The following PCSK5 variants were observed in gnomAD, a reference collection of about 807,000 sequenced individuals.
PCSK5 encodes the protein prohormone convertase 5.
A neutral mutation model predicts 233.2 loss-of-function variants in PCSK5; 129 were observed. The ratio of observed to expected loss-of-function variants is 0.55; its 90% CI spans 0.48 to 0.64. The LOEUF is 0.64. Among genes scored for constraint, PCSK5 ranks in the 30% least tolerant of loss-of-function variants. The probability of loss-of-function intolerance (pLI) is 0.00; values close to 1 mark genes in which losing one functional copy is unlikely to be tolerated. For synonymous variants in PCSK5, 825 were observed against 879.2 expected, an observed-to-expected ratio of 0.94 and a Z score of 1.09; for missense variants, 2,076 against 2,430.1, an observed-to-expected ratio of 0.85 and a Z score of 3.06.
intron 24 of PCSK5, among the ~76,000 whole-genome samples, chr9:76,253,499 A>C (rs1250970524): frequency 6.6e-6 from 1 of 152,194 alleles, no homozygotes; most frequent in African/African-American, 2.4e-5. Flanking sequence ...AGAGAACACA[A>C]AGTTGGAAGA....
intron 3 of PCSK5, among the ~76,000 whole-genome samples, chr9:76,006,128 T>C (rs991304497): frequency 2.0e-5 from 3 of 152,096 alleles, no homozygotes; most frequent in African/African-American, 7.2e-5. Context: ...GTGTTTTATC[T>C]GATATCAGAA....
intron 1 of PCSK5, among the ~76,000 whole-genome samples, chr9:75,899,809 A>G (rs73464430): frequency 0.011 from 1,612 of 152,312 alleles, 18 homozygotes; most frequent in East Asian, 0.027. Flanking sequence ...ACTGAGAAGA[A>G]AAGGCAGAGA....
At chr9:75,941,578 C>A (rs1824306972) in intron 2 of PCSK5, among the ~76,000 whole-genome samples, 1 of 152,088 alleles carries the variant, frequency 6.6e-6, no homozygotes, top group Non-Finnish European at 1.5e-5. Context: ...TTCTGGCTAC[C>A]TTTTTTGCCA....
At chr9:76,143,419 A>T (rs1355819041) in intron 10 of PCSK5, among the ~76,000 whole-genome samples, 1 of 152,204 alleles carries the variant, frequency 6.6e-6, no homozygotes, top group Admixed American at 6.5e-5. Flanking sequence ...GAGCTAGATG[A>T]TAGTAATGAC....
At chr9:75,964,457 C>T (rs917172137) in intron 2 of PCSK5, among the ~76,000 whole-genome samples, 1 of 152,048 alleles carries the variant, frequency 6.6e-6, no homozygotes, top group African/African-American at 2.4e-5. Flanking sequence ...TTAACCACAC[C>T]TTGAGATAAA....
At chr9:76,216,713 C>G (rs1825547461) in intron 20 of PCSK5, among the ~76,000 whole-genome samples, 1 of 152,196 alleles carries the variant, frequency 6.6e-6, no homozygotes, top group Non-Finnish European at 1.5e-5. Flanking sequence ...CAAATAGAAC[C>G]ATGCCTGGTT....
intron 9 of PCSK5, among the ~76,000 whole-genome samples, chr9:76,129,912 C>T (rs1322826941): frequency 6.6e-6 from 1 of 152,024 alleles, no homozygotes; most frequent in East Asian, 1.9e-4. Flanking sequence ...GCTGTTTTTG[C>T]AGCTGAAAAC....
chr9:76,007,796 TTGTGTG>T lies in PCSK5; in HGVS notation c.412-15902_412-15897del, dbSNP rs59860078. On this transcript the variant is annotated intron_variant, in intron 3 of 37. Transcript: ENST00000674117. ...CGCCTGTCACCATGCCCGGCTAATT[TTGTGTG>T]TGTGTGTGTGTGTGTGTGTGTGTGT... 8.7e-3 allele frequency among the ~76,000 whole-genome samples: 1,111 copies of T among 128,300 alleles called. 12 individuals are homozygous for T. Among genetic ancestry groups the T allele is most frequent in the African/African-American group, 0.019 (632 of 33,744 alleles). 84.2% of individuals were successfully genotyped at this position (128,300 alleles called of 152,430 possible).
At chr9:75,895,815 G>A (rs1245701320) in intron 1 of PCSK5, among the ~76,000 whole-genome samples, 1 of 152,222 alleles carries the variant, frequency 6.6e-6, no homozygotes, top group African/African-American at 2.4e-5. Flanking sequence ...CATTCGCAGG[G>A]AGAACTTTGT....
At chr9:76,016,192 T>G (rs979680708) in intron 3 of PCSK5, among the ~76,000 whole-genome samples, 1 of 152,174 alleles carries the variant, frequency 6.6e-6, no homozygotes, top group Non-Finnish European at 1.5e-5. Flanking sequence ...AAGTGGGGGA[T>G]GGAGAGGATA....
In PCSK5 at chr9:76,264,306, CT is replaced by C. The variant is rs146355719; in HGVS notation, c.3142+23623del. ...GTATTTCACCATATACAAAAATTAA[CT>C]CAAGATGGATTAAAGATTTAAGTGT... On this transcript the variant is annotated intron_variant, in intron 24 of 37. Coordinates refer to ENST00000674117, the MANE Select transcript of PCSK5 (RefSeq NM_001372043.1). Among the ~76,000 whole-genome samples the C allele has an allele frequency of 2.8e-3, 419 of 152,166 alleles. 2 individuals are homozygous for C. The highest frequency in any genetic ancestry group is 9.6e-3 in the African/African-American group (397 of 41,532).
At chr9:76,255,706 G>A (rs938716592) in intron 24 of PCSK5, among the ~76,000 whole-genome samples, 21 of 151,952 alleles carry the variant, frequency 1.4e-4, no homozygotes, top group African/African-American at 4.4e-4. Flanking sequence ...GCGGTTACAC[G>A]CACCCATAGT....
At chr9:76,069,356 T>G (rs150755569) in intron 6 of PCSK5, among the ~76,000 whole-genome samples, 5 of 151,188 alleles carry the variant, frequency 3.3e-5, no homozygotes, top group African/African-American at 9.7e-5. Context: ...TTATCAATAC[T>G]CTCCAGCACA....
intron 5 of PCSK5, among the ~76,000 whole-genome samples, chr9:76,030,657 T>C (rs1037660481): frequency 6.6e-6 from 1 of 152,180 alleles, no homozygotes; most frequent in Non-Finnish European, 1.5e-5. Context: ...TTTTAATACA[T>C]TAAATAAGCC....
chr9:76,324,699 T>G (rs1829308962), intron 32 of PCSK5, among the ~76,000 whole-genome samples: 1 of 152,202 alleles, frequency 6.6e-6, no homozygotes. Context: ...CATTTGCCTC[T>G]TATTCATTAT....
chr9:76,214,308 G>A (rs75651738), intron 20 of PCSK5, among the ~76,000 whole-genome samples: 3 of 141,582 alleles, frequency 2.1e-5, no homozygotes, highest in African/African-American at 7.6e-5. Flanking sequence ...ACACACACAC[G>A]TGCACACACA....
intron 2 of PCSK5, among the ~76,000 whole-genome samples, chr9:75,977,537 C>T (rs1826077936): frequency 6.7e-6 from 1 of 149,632 alleles, no homozygotes; most frequent in Non-Finnish European, 1.5e-5. Context: ...GAGCCATTTC[C>T]TCCCGTCTTA....
intron 5 of PCSK5, among the ~76,000 whole-genome samples, chr9:76,049,016 TAG>T (rs1233664737): frequency 6.6e-6 from 1 of 151,948 alleles, no homozygotes; most frequent in Non-Finnish European, 1.5e-5. Flanking sequence ...GCCTAGAAAT[TAG>T]AGATAGGCAG....
intron 1 of PCSK5, among the ~76,000 whole-genome samples, chr9:75,898,471 G>C (rs972238942): frequency 6.6e-6 from 1 of 152,064 alleles, no homozygotes; most frequent in Non-Finnish European, 1.5e-5. Flanking sequence ...GACTGGGGTC[G>C]TATCCCCACA....
Sources: allele counts gnomAD v4.1 joint callset (sites outside exome capture counted in the v4.1 genomes callset), GRCh38; gene constraint gnomAD v4.1.1; transcripts MANE v1.5; gene names NCBI Gene and HGNC (gene_info 2026-07-23, HGNC 2026-07-21).